Variants in RBM19 observed in about 807,000 individuals in gnomAD.
RBM19 encodes RNA binding motif protein 19.
In RBM19, 94 loss-of-function variants were observed where a neutral mutation model predicts 116.8. The observed-to-expected ratio is 0.80, with a 90% CI of 0.68 to 0.95. The LOEUF is 0.95. Among genes scored for constraint, RBM19 ranks in the 40% least tolerant of loss-of-function variants. The pLI, the probability that RBM19 is intolerant of heterozygous loss-of-function variation, is 0.00. For missense variants in RBM19, 1,161 were observed against 1,220.7 expected (o/e 0.95, Z 0.73); for synonymous variants, 475 against 494.1 (o/e 0.96, Z 0.51).
At chr12:113,917,544 G>A (rs1240305123) in intron 20 of RBM19, among the ~76,000 whole-genome samples, 1 of 152,158 alleles carries the variant, frequency 6.6e-6, no homozygotes, top group Non-Finnish European at 1.5e-5. Flanking sequence ...ACCAGAGCTG[G>A]CCCAAGCTGG....
In RBM19 at chr12:113,946,470, C is replaced by T. The variant is rs746653839; in HGVS notation, c.1413G>A (p.Arg471=). ...SEVDGQVFQG[R]MLHVLPSTIK... Reference sequence around the variant, plus strand: ...TGGTAGATGGTAACACGTGGAGCATCCTGCCCTGGATGGGAATGACGGGAA... The same window carrying T: ...TGGTAGATGGTAACACGTGGAGCATTCTGCCCTGGATGGGAATGACGGGAA... The change falls in exon 12 of 24, where the codon AGG becomes AGA. Residue 471 remains arginine (R), a synonymous_variant. Coordinates refer to ENST00000261741, the MANE Select transcript of RBM19 (RefSeq NM_016196.4). The T allele has an allele frequency of 1.9e-6, 3 of 1,614,164 alleles. No homozygotes were observed. The highest frequency in any genetic ancestry group is 2.7e-5 in the African/African-American group (2 of 75,038).
chr12:113,879,431 T>TTATATATATATATATA lies in RBM19; in HGVS notation c.2559-20551_2559-20536dup, dbSNP rs5801011. Among the ~76,000 whole-genome samples the TTATATATATATATATA allele has an allele frequency of 2.3e-3, 307 of 132,628 alleles. 11 individuals carry two copies. The highest frequency in any genetic ancestry group is 0.018 in the South Asian group (67 of 3,722). 87.0% of individuals were successfully genotyped at this position (132,628 alleles called of 152,430 possible). A position where few individuals can be genotyped will look rare whatever the true frequency, so the allele number is the denominator to read the frequency against. ...CTGTAAAAATGATCATACATACATT[T>TTATATATATATATATA]TATATATATATATATATATGGACTT... On this transcript the variant is annotated intron_variant, in intron 21 of 23. Transcript: ENST00000261741.
At chr12:113,843,415 G>T (rs1876672797) in intron 23 of RBM19, among the ~76,000 whole-genome samples, 1 of 152,184 alleles carries the variant, frequency 6.6e-6, no homozygotes, top group Admixed American at 6.5e-5. Flanking sequence ...AGGTGGGGAG[G>T]AATGCGGTGG....
intron 14 of RBM19, 72 bp from the exon 15 acceptor site, chr12:113,940,232 C>T: frequency 2.0e-6 from 3 of 1,475,828 alleles, no homozygotes; most frequent in Non-Finnish European, 9.3e-7. Flanking sequence ...CAGCAGGGAT[C>T]GTGGGGCTCT....
At chr12:113,876,921 G>A (rs563765212) in intron 21 of RBM19, among the ~76,000 whole-genome samples, 2 of 152,354 alleles carry the variant, frequency 1.3e-5, no homozygotes, top group South Asian at 4.1e-4. Context: ...TCCCTCCAGA[G>A]TGTTCTGACA....
intron 23 of RBM19, among the ~76,000 whole-genome samples, chr12:113,824,355 T>C (rs571161289): frequency 1.8e-4 from 27 of 152,310 alleles, no homozygotes; most frequent in African/African-American, 6.5e-4. Context: ...AGGGGATCAA[T>C]GGTGGCAGGA....
chr12:113,817,985 T>TG (rs1874161481), downstream of RBM19: 1 of 151,254 alleles, frequency 6.6e-6, no homozygotes, highest in African/African-American at 2.4e-5. Context: ...TCCCCACACT[T>TG]TGGGAGGCCG....
chr12:113,919,256 A>G (rs2135861800), intron 19 of RBM19, among the ~76,000 whole-genome samples: 1 of 152,332 alleles, frequency 6.6e-6, no homozygotes, highest in Middle Eastern at 3.4e-3. Flanking sequence ...GCATCATCTA[A>G]TGCAAAGCCA....
chr12:113,846,461 G>T (rs1876981510), intron 22 of RBM19, among the ~76,000 whole-genome samples: 1 of 152,186 alleles, frequency 6.6e-6, no homozygotes, highest in South Asian at 2.1e-4. Context: ...TCAAGACGAG[G>T]TCATACTGGA....
intron 12 of RBM19, 68 bp from the exon 13 acceptor site, chr12:113,945,992 G>A (rs1197930984): frequency 1.1e-5 from 15 of 1,401,260 alleles, no homozygotes; most frequent in East Asian, 2.3e-5. Flanking sequence ...TCTCAGACAC[G>A]AATCCTGTAA....
intron 13 of RBM19, among the ~76,000 whole-genome samples, chr12:113,943,630 A>C (rs1288914651): frequency 1.3e-5 from 2 of 151,954 alleles, no homozygotes; most frequent in Non-Finnish European, 2.9e-5. Context: ...GACCAGCCTG[A>C]CTGACCAACA....
intron 21 of RBM19, among the ~76,000 whole-genome samples, chr12:113,904,398 G>A (rs751948649): frequency 2.0e-5 from 3 of 152,116 alleles, no homozygotes; most frequent in Admixed American, 6.6e-5. Context: ...GTGCAAATAC[G>A]GCTTTGCCAC....
chr12:113,946,536 C>G (rs1366443518), intron 11 of RBM19, 61 bp from the exon 12 acceptor site: 2 of 1,608,110 alleles, frequency 1.2e-6, no homozygotes, highest in Non-Finnish European at 1.7e-6. Flanking sequence ...CTGCTTCCTG[C>G]CGAAGGATGT....
In RBM19 at chr12:113,951,965, C is replaced by T. The variant is rs57433164; in HGVS notation, c.1000+547G>A. Among the ~76,000 whole-genome samples the T allele has an allele frequency of 5.1e-3, 784 of 152,330 alleles. 8 individuals are homozygous for T. The highest frequency in any genetic ancestry group is 0.017 in the African/African-American group (708 of 41,572). ...AGTCAGCTGCTGAATCTCCCAGTGT[C>T]CTGGCCAGCAAGAAGTAGGCACGGA... On this transcript the variant is annotated intron_variant, in intron 8 of 23. Coordinates refer to ENST00000261741, the MANE Select transcript of RBM19 (RefSeq NM_016196.4).
chr12:113,925,768 G>A (rs997844147), intron 17 of RBM19, among the ~76,000 whole-genome samples: 1 of 152,178 alleles, frequency 6.6e-6, no homozygotes, highest in African/African-American at 2.4e-5. Context: ...TGAATTCAGA[G>A]GATGCTCTTG....
At chr12:113,931,181 A>T (rs1218301920) in intron 16 of RBM19, among the ~76,000 whole-genome samples, 1 of 152,146 alleles carries the variant, frequency 6.6e-6, no homozygotes, top group African/African-American at 2.4e-5. Flanking sequence ...ATTGTATAGG[A>T]TGTATTGTAT....
At chr12:113,892,610 G>A (rs190193286) in intron 21 of RBM19, among the ~76,000 whole-genome samples, 18 of 152,280 alleles carry the variant, frequency 1.2e-4, no homozygotes, top group African/African-American at 3.4e-4. Flanking sequence ...TCCTGGCTTC[G>A]TTTAATGCGA....
At chr12:113,874,951 A>G (rs891830176) in intron 21 of RBM19, among the ~76,000 whole-genome samples, 1 of 152,256 alleles carries the variant, frequency 6.6e-6, no homozygotes, top group Non-Finnish European at 1.5e-5. Context: ...ACTTTTCCAG[A>G]CCAGTGGGGT....
rs867701444 is a variant in RBM19 at position 113,873,697 on chromosome 12, A to T, written c.2559-14801T>A. Among the ~76,000 whole-genome samples the T allele has an allele frequency of 8.1e-3, 1,229 of 151,516 alleles. 24 individuals are homozygous for T. The highest frequency in any genetic ancestry group is 0.027 in the African/African-American group (1,112 of 41,372). On this transcript the variant is annotated intron_variant, in intron 21 of 23. Coordinates refer to ENST00000261741, the MANE Select transcript of RBM19 (RefSeq NM_016196.4). The stretch of plus-strand genomic sequence containing the variant: ...TCAATAAAAAAATAAATTAAAAAAA[A>T]AAAAAAAAAAGAAAAGGCACTGTGT...
Sources: gnomAD v4.1 joint callset for allele counts (sites outside exome capture counted in the v4.1 genomes callset) on GRCh38, gnomAD v4.1.1 for gene constraint, MANE v1.5 for transcripts, NCBI Gene and HGNC (gene_info 2026-07-23, HGNC 2026-07-21) for gene names.